Variants in ATP2B2 observed in about 807,000 individuals in gnomAD.
ATP2B2 encodes ATPase plasma membrane Ca2+ transporting 2.
ATP2B2 carries 15 observed loss-of-function variants against 120.0 expected under a neutral mutation model. The ratio of observed to expected loss-of-function variants is 0.12; its 90% confidence interval spans 0.08 to 0.19. The LOEUF is 0.19. Ranked by LOEUF, ATP2B2 falls within the 10% of genes least tolerant of loss-of-function variation. ATP2B2 has a pLI of 1.00. For synonymous variants in ATP2B2, 694 were observed against 700.3 expected (o/e 0.99, Z 0.14); for missense variants, 1,045 against 1,719.8 (o/e 0.61, Z 6.94).
intron 1 of ATP2B2, among the ~76,000 whole-genome samples, chr3:10,666,592 T>C (rs746196895): frequency 3.3e-5 from 5 of 152,222 alleles, no homozygotes; most frequent in Non-Finnish European, 5.9e-5. Flanking sequence ...AGTAAGGGAT[T>C]TCTATGCATA....
At chr3:10,564,197 G>A (rs1452697020) in intron 2 of ATP2B2, among the ~76,000 whole-genome samples, 1 of 152,182 alleles carries the variant, frequency 6.6e-6, no homozygotes, top group African/African-American at 2.4e-5. Flanking sequence ...ATCCCTTGGG[G>A]GCTGATCAAT....
intron 1 of ATP2B2, among the ~76,000 whole-genome samples, chr3:10,701,608 G>A (rs1247493020): frequency 1.3e-5 from 2 of 151,730 alleles, no homozygotes; most frequent in African/African-American, 4.9e-5. Context: ...CCAGGTCTGA[G>A]GATGCAATTT....
In ATP2B2 at chr3:10,329,371, G is replaced by A. The variant is rs994898529; in HGVS notation, c.3421-246C>T. ...GTAGAAACTAGTGTTAGGACAGGAGGAATCACCAAGCACCATCAAAGAGAT... is the reference window on the plus strand; with the variant it reads ...GTAGAAACTAGTGTTAGGACAGGAGAAATCACCAAGCACCATCAAAGAGAT... On this transcript the variant is annotated intron_variant, in intron 22 of 22. Coordinates refer to ENST00000360273, the MANE Select transcript of ATP2B2 (RefSeq NM_001001331.4). The surrounding 1 kb of genome is among the most constrained non-coding windows in gnomAD (Gnocchi z 5.9). 2.6e-5 allele frequency among the ~76,000 whole-genome samples: 4 copies of A among 152,044 alleles called. No homozygotes were observed. The highest frequency in any genetic ancestry group is 9.7e-5 in the African/African-American group (4 of 41,392).
intron 1 of ATP2B2, among the ~76,000 whole-genome samples, chr3:10,472,104 G>A (rs1446702036): frequency 6.8e-5 from 10 of 146,822 alleles, no homozygotes; most frequent in Non-Finnish European, 6.0e-5. Flanking sequence ...AAAAAAAAGA[G>A]ATACATCAAG....
intron 3 of ATP2B2, among the ~76,000 whole-genome samples, chr3:10,520,164 G>A (rs909888378): frequency 2.0e-5 from 3 of 152,192 alleles, no homozygotes; most frequent in African/African-American, 4.8e-5. Flanking sequence ...GAGAGGTGTC[G>A]GCTGCCTGTC....
intron 1 of ATP2B2, among the ~76,000 whole-genome samples, chr3:10,689,843 C>T (rs2125712321): frequency 6.6e-6 from 1 of 152,338 alleles, no homozygotes; most frequent in Middle Eastern, 3.4e-3. Flanking sequence ...GCTGCGCACC[C>T]TCCACCCCGA....
intron 2 of ATP2B2, among the ~76,000 whole-genome samples, chr3:10,607,933 C>T (rs1250644552): frequency 6.6e-6 from 1 of 152,130 alleles, no homozygotes; most frequent in East Asian, 1.9e-4. Flanking sequence ...ACCTTATGAC[C>T]TCCCTCCCTC....
At chr3:10,680,264 G>A (rs1003722211) in intron 1 of ATP2B2, among the ~76,000 whole-genome samples, 7 of 152,248 alleles carry the variant, frequency 4.6e-5, no homozygotes, top group African/African-American at 1.7e-4. Context: ...TAAAGTGGGA[G>A]GCTGCATGGG....
chr3:10,703,408 G>A (rs1344818273), intron 1 of ATP2B2, among the ~76,000 whole-genome samples: 1 of 152,116 alleles, frequency 6.6e-6, no homozygotes, highest in Admixed American at 6.5e-5. Flanking sequence ...ACCCTCACAT[G>A]AAGCCAGGAC....
intron 1 of ATP2B2, among the ~76,000 whole-genome samples, chr3:10,631,691 T>G (rs530333054): frequency 6.6e-6 from 1 of 152,264 alleles, no homozygotes. Flanking sequence ...AAGACAGACT[T>G]GGGTTCCATA....
intron 1 of ATP2B2, among the ~76,000 whole-genome samples, chr3:10,490,711 C>T (rs1261891443): frequency 1.3e-5 from 2 of 152,138 alleles, no homozygotes; most frequent in Non-Finnish European, 2.9e-5. Flanking sequence ...CCACAGCATT[C>T]TTATCCAGAA....
intron 2 of ATP2B2, among the ~76,000 whole-genome samples, chr3:10,605,845 C>T (rs1046472710): frequency 1.3e-5 from 2 of 152,116 alleles, no homozygotes; most frequent in African/African-American, 4.8e-5. Flanking sequence ...GATGAGGTTT[C>T]GCCATGTTGG....
chr3:10,472,080 C>CAAA (rs55895159), intron 1 of ATP2B2, among the ~76,000 whole-genome samples: 2 of 93,750 alleles, frequency 2.1e-5, no homozygotes, highest in Non-Finnish European at 4.6e-5. Flanking sequence ...GACTCCGTCT[C>CAAA]AAAAAAAAAA....
In ATP2B2 at chr3:10,443,610, G is replaced by A. The variant is rs746350651; in HGVS notation, c.199+5735C>T. ...AAATGAAGCCAACACAGAGGACAGC[G>A]GAAGTGAAAGTAGGAGAGGGAAGGA... is the stretch of plus-strand genomic sequence containing the variant. On this transcript the variant is annotated intron_variant, in intron 2 of 22. Transcript: ENST00000360273. Among the ~76,000 whole-genome samples, 18 of 152,194 alleles carry A rather than the reference G, an allele frequency of 1.2e-4. No homozygotes were observed. In the South Asian group the frequency reaches 2.5e-3, roughly 21 times the overall value.
rs947442588 is a variant in ATP2B2 at position 10,324,121 on chromosome 3, G to T, written c.*4693C>A. The T allele has an allele frequency of 3.9e-5, 6 of 152,150 alleles. No individual in the cohort carries two copies. Among genetic ancestry groups the T allele is most frequent in the African/African-American group, 1.2e-4 (5 of 41,414 alleles). The allele number at this position is 152,150 out of a possible 1,614,324, so 9.4% of individuals were successfully genotyped here. ...AAAGAGCACAAGCCAAAGATACAGA[G>T]AAATAAAGAGTGTACAATAAGAGCA... On this transcript the variant is annotated 3_prime_UTR_variant, in exon 23 of 23. Coordinates refer to ENST00000360273, the MANE Select transcript of ATP2B2 (RefSeq NM_001001331.4).
In ATP2B2 at chr3:10,326,401, G is replaced by T; in HGVS notation, c.*2413C>A. 3.8e-6 allele frequency: 1 copy of T among 266,468 alleles called. No individual in the cohort carries two copies. The highest frequency in any genetic ancestry group is 2.2e-5 in the African/African-American group (1 of 45,806). The allele number at this position is 266,468 out of a possible 1,614,324, so 16.5% of individuals were successfully genotyped here. ...TGTTCCCTAAGCCAGGCTCCACTGA[G>T]AACCCCTCCTGGCTCCGAATGAACA... On this transcript the variant is annotated 3_prime_UTR_variant, in exon 23 of 23. Coordinates refer to ENST00000360273, the MANE Select transcript of ATP2B2 (RefSeq NM_001001331.4).
At chr3:10,617,340 T>G (rs531077156) in intron 2 of ATP2B2, among the ~76,000 whole-genome samples, 3 of 152,356 alleles carry the variant, frequency 2.0e-5, no homozygotes, top group East Asian at 3.9e-4. Flanking sequence ...CCAGGGTTTC[T>G]GTTATAATTT....
Position 10,556,603 on chromosome 3 carries a change from G to GC in ATP2B2, c.-414-22471_-414-22470insG, listed in dbSNP as rs532137191. On this transcript the variant is annotated intron_variant, in intron 2 of 21. Coordinates refer to the ATP2B2 transcript ENST00000646379. ...ATGTTTGGAGAAGAAGGCTCCTAAG[G>GC]GAGGAGAAGAGCAAGGGCGAAACCC... Among the ~76,000 whole-genome samples, 21 of 152,342 alleles carry GC rather than the reference G, an allele frequency of 1.4e-4. 1 individual carries two copies. The East Asian group carries it at 3.7e-3, about 27-fold the overall frequency.
chr3:10,643,282 C>A (rs1179565018), intron 1 of ATP2B2, among the ~76,000 whole-genome samples: 1 of 152,098 alleles, frequency 6.6e-6, no homozygotes, highest in Non-Finnish European at 1.5e-5. Flanking sequence ...TGGGAGAGAA[C>A]GGAGAGCTCT....
Sources: gnomAD v4.1 joint callset for allele counts (sites outside exome capture counted in the v4.1 genomes callset) on GRCh38, gnomAD v4.1.1 for gene constraint, Gnocchi (gnomAD v3.1) non-coding constraint, MANE v1.5 for transcripts, NCBI Gene and HGNC (gene_info 2026-07-23, HGNC 2026-07-21) for gene names.